OLFM2: variants seen among roughly 807,000 people sequenced by gnomAD.
The protein encoded by OLFM2 is noelin-2.
OLFM2 carries 20 observed loss-of-function variants against 43.9 expected under a neutral mutation model. The ratio of observed to expected loss-of-function variants is 0.46; its 90% CI spans 0.32 to 0.66. OLFM2 has a LOEUF of 0.66. OLFM2 is among the 30% of genes least tolerant of loss of function. The pLI is 0.04. For synonymous variants in OLFM2, 268 were observed against 278.6 expected (o/e 0.96, Z 0.38); for missense variants, 416 against 643.6 (o/e 0.65, Z 3.83).
intron 1 of OLFM2, among the ~76,000 whole-genome samples, chr19:9,882,675 C>T (rs928778294): frequency 1.3e-5 from 2 of 151,830 alleles, no homozygotes; most frequent in Non-Finnish European, 2.9e-5. Context: ...TTTGGGAGGC[C>T]GAGGTGGGTG....
intron 1 of OLFM2, among the ~76,000 whole-genome samples, chr19:9,865,838 A>C (rs1342074309): frequency 2.0e-5 from 3 of 149,880 alleles, no homozygotes; most frequent in South Asian, 2.1e-4. Context: ...AAAAAAAACA[A>C]AGAAAAACAT....
rs780185237 is a variant in OLFM2, at chr19:9,854,303, G to A, written c.1248C>T (p.His416=). The A allele has an allele frequency of 1.9e-5, 30 of 1,614,060 alleles. No homozygotes were observed. The South Asian group carries it at 2.9e-4, about 15-fold the overall frequency. ...GGGGGTTGTAATCCAGCATCGAGAT[G>A]TGGGAATACTGGTTGTGGAAGGGCA... The part of the protein sequence containing the change: ...TDVPFHNQYS[H]ISMLDYNPRE... The change falls in exon 6 of 6, where the codon CAC becomes CAT. Residue 416 remains histidine, a synonymous_variant. Coordinates refer to ENST00000264833, the MANE Select transcript of OLFM2 (RefSeq NM_058164.4). The surrounding 1 kb of genome is among the most constrained non-coding windows in gnomAD (Gnocchi z 9.5).
chr19:9,854,302 T>C lies in OLFM2; in HGVS notation c.1249A>G (p.Ile417Val), dbSNP rs1472323502. The C allele has an allele frequency of 6.2e-7, 1 of 1,613,928 alleles. No homozygotes were observed. Among genetic ancestry groups the C allele is most frequent in the South Asian group, 1.1e-5 (1 of 91,066 alleles). Reference sequence around the variant, plus strand: ...CGGGGGTTGTAATCCAGCATCGAGATGTGGGAATACTGGTTGTGGAAGGGC... The same window carrying C: ...CGGGGGTTGTAATCCAGCATCGAGACGTGGGAATACTGGTTGTGGAAGGGC... ...DVPFHNQYSH[I>V]SMLDYNPRER... The change falls in exon 6 of 6, where the codon ATC (isoleucine) becomes GTC (valine). Residue 417 changes from isoleucine (I) to valine (V), a missense_variant. Transcript: ENST00000264833. This position sits in a 1 kb window ranked among gnomAD's most constrained non-coding sequence, Gnocchi z 9.5.
intron 1 of OLFM2, among the ~76,000 whole-genome samples, chr19:9,918,861 G>A (rs1221713722): frequency 6.6e-6 from 1 of 152,170 alleles, no homozygotes; most frequent in East Asian, 1.9e-4. Context: ...CTGCAAGTGG[G>A]GGTGGGAGTG....
chr19:9,907,870 T>G (rs1168002101), intron 1 of OLFM2, among the ~76,000 whole-genome samples: 3 of 151,884 alleles, frequency 2.0e-5, no homozygotes, highest in African/African-American at 2.4e-5. Flanking sequence ...CCAGGCCTGG[T>G]GGTGCATGCC....
chr19:9,921,864 C>T lies in OLFM2; in HGVS notation c.63+14440G>A, dbSNP rs542756135. On this transcript the variant is annotated intron_variant, in intron 1 of 5. Transcript: ENST00000264833. ...ATCCCAGCACTTTGGGAGGCCGGGG[C>T]GGGAGGATGGTTTGAACCCAGGAAT... is the stretch of plus-strand genomic sequence containing the variant. Among the ~76,000 whole-genome samples, 159 of 152,116 alleles carry T rather than the reference C, an allele frequency of 1.0e-3. 3 individuals carry two copies. The South Asian group carries it at 0.032, about 31-fold the overall frequency.
At chr19:9,881,655 C>T (rs2046540626) in intron 1 of OLFM2, among the ~76,000 whole-genome samples, 1 of 114,368 alleles carries the variant, frequency 8.7e-6, no homozygotes, top group South Asian at 3.0e-4. Flanking sequence ...CCATGTCCCA[C>T]TAATTTTTAA....
At chr19:9,896,287 G>C (rs1362124161) in intron 1 of OLFM2, among the ~76,000 whole-genome samples, 2 of 151,986 alleles carry the variant, frequency 1.3e-5, no homozygotes, top group African/African-American at 2.4e-5. Flanking sequence ...TTTTAGTAGA[G>C]ACAGGGTTTC....
chr19:9,908,066 C>A (rs916047983), intron 1 of OLFM2, among the ~76,000 whole-genome samples: 7 of 152,008 alleles, frequency 4.6e-5, no homozygotes, highest in African/African-American at 1.7e-4. Context: ...AGATCCCCCT[C>A]CCCACGACAT....
chr19:9,875,543 T>G (rs1479740746), intron 1 of OLFM2, among the ~76,000 whole-genome samples: 4 of 141,676 alleles, frequency 2.8e-5, no homozygotes, highest in East Asian at 2.1e-4. Flanking sequence ...CAGGCTGGAG[T>G]GCAGTGGCAC....
chr19:9,856,968 G>T lies in OLFM2; in HGVS notation c.581-55C>A. On this transcript the variant is annotated intron_variant, in intron 4 of 5. Transcript: ENST00000264833. The surrounding 1 kb of genome is among the most constrained non-coding windows in gnomAD (Gnocchi z 4.0). ...TGGGGAAATGAACAGCCCAAGAGAG[G>T]CCAGGCAAAGATGAAGTGCTGTGAT... is the stretch of plus-strand genomic sequence containing the variant. 1 of 1,386,038 alleles carries T rather than the reference G, an allele frequency of 7.2e-7. No individual in the cohort carries two copies. The highest frequency in any genetic ancestry group is 1.0e-6 in the Non-Finnish European group (1 of 993,582). 85.9% of individuals were successfully genotyped at this position (1,386,038 alleles called of 1,614,324 possible). A position where few individuals can be genotyped will look rare whatever the true frequency, so the allele number is the denominator to read the frequency against.
At chr19:9,892,300 C>G (rs942250515) in intron 1 of OLFM2, among the ~76,000 whole-genome samples, 1 of 152,184 alleles carries the variant, frequency 6.6e-6, no homozygotes, top group Non-Finnish European at 1.5e-5. Flanking sequence ...AAGTCTGTAT[C>G]AGAGTACATA....
intron 1 of OLFM2, among the ~76,000 whole-genome samples, chr19:9,907,610 G>C (rs1336601490): frequency 6.6e-6 from 1 of 152,086 alleles, no homozygotes. Context: ...TGTTTCCCAG[G>C]GTCCCCGTCA....
chr19:9,904,152 T>TGTG (rs2046763744), intron 1 of OLFM2, among the ~76,000 whole-genome samples: 11 of 127,162 alleles, frequency 8.7e-5, no homozygotes, highest in East Asian at 5.0e-4. Flanking sequence ...TGAGTATTGT[T>TGTG]TGTGTGTGTG....
chr19:9,869,584 G>A (rs756914630), intron 1 of OLFM2, among the ~76,000 whole-genome samples: 21 of 152,166 alleles, frequency 1.4e-4, no homozygotes, highest in Non-Finnish European at 2.6e-4. Flanking sequence ...TCATCAGCAT[G>A]TAGTAAGAGC....
intron 1 of OLFM2, among the ~76,000 whole-genome samples, chr19:9,914,167 C>G (rs1195728831): frequency 1.3e-5 from 2 of 152,048 alleles, no homozygotes; most frequent in African/African-American, 4.8e-5. Context: ...CGGGACCCCG[C>G]GCGTAAAGGC....
intron 1 of OLFM2, among the ~76,000 whole-genome samples, chr19:9,865,560 C>T (rs1476481780): frequency 1.5e-5 from 2 of 135,384 alleles, no homozygotes; most frequent in Non-Finnish European, 1.5e-5. Context: ...GGCGGGATCT[C>T]GGCTCACTGC....
intron 1 of OLFM2, among the ~76,000 whole-genome samples, chr19:9,896,721 T>C (rs1403000577): frequency 6.6e-6 from 1 of 152,212 alleles, no homozygotes; most frequent in Non-Finnish European, 1.5e-5. Context: ...AATCTCCTTA[T>C]TAGAAGCTAC....
intron 1 of OLFM2, among the ~76,000 whole-genome samples, chr19:9,929,829 C>T (rs1345025006): frequency 6.6e-6 from 1 of 151,994 alleles, no homozygotes; most frequent in Non-Finnish European, 1.5e-5. Context: ...CACCTGAGGT[C>T]AGGAGTTCGA....
Sources: allele counts gnomAD v4.1 joint callset (sites outside exome capture counted in the v4.1 genomes callset), GRCh38; gene constraint gnomAD v4.1.1; non-coding constraint Gnocchi (gnomAD v3.1); transcripts MANE v1.5; gene names NCBI Gene and HGNC (gene_info 2026-07-23, HGNC 2026-07-21).